The following IL1RAPL2 variants were observed in gnomAD, a reference collection of about 807,000 sequenced individuals.
The protein encoded by IL1RAPL2 is X-linked interleukin-1 receptor accessory protein-like 2.
IL1RAPL2 carries 3 observed loss-of-function variants against 44.1 expected under a neutral mutation model. The ratio of observed to expected loss-of-function variants is 0.07; its 90% CI spans 0.03 to 0.18. The LOEUF (loss-of-function observed/expected upper bound fraction) is 0.18, where lower values mean the gene tolerates loss of function less well. IL1RAPL2 is among the 10% of genes least tolerant of loss of function. The pLI is 1.00. For missense variants in IL1RAPL2, 391 were observed against 496.4 expected (o/e 0.79, Z 2.02); for synonymous variants, 181 against 178.8 (o/e 1.01, Z -0.10).
intron 2 of IL1RAPL2, among the ~76,000 whole-genome samples, chrX:104,848,439 A>G (rs1305637614): frequency 1.3e-5 from 1 of 78,538 alleles, no homozygotes; most frequent in African/African-American, 4.0e-5. Context: ...ATATATATAT[A>G]TATATATATA....
At chrX:105,542,794 C>T (rs1336903492) in intron 6 of IL1RAPL2, among the ~76,000 whole-genome samples, 4 of 99,844 alleles carry the variant, frequency 4.0e-5, no homozygotes, top group African/African-American at 1.5e-4. Flanking sequence ...AGTGCAGTGG[C>T]GGGATCTCGG....
chrX:105,026,303 G>A (rs2031371776), intron 2 of IL1RAPL2, among the ~76,000 whole-genome samples: 1 of 110,533 alleles, frequency 9.0e-6, no homozygotes, highest in East Asian at 2.9e-4. Flanking sequence ...TATATTTACT[G>A]GTTGAATCCC....
chrX:104,907,265 A>G (rs1175416401), intron 2 of IL1RAPL2, among the ~76,000 whole-genome samples: 4 of 111,432 alleles, frequency 3.6e-5, no homozygotes, highest in Admixed American at 1.9e-4. Context: ...TCCTGGATTC[A>G]TTAATTTTTT....
At chrX:105,143,639 T>C (rs971974639) in intron 2 of IL1RAPL2, among the ~76,000 whole-genome samples, 2 of 112,399 alleles carry the variant, frequency 1.8e-5, no homozygotes, top group African/African-American at 3.2e-5. Context: ...TAAAGACACA[T>C]GCACACGTAT....
intron 2 of IL1RAPL2, among the ~76,000 whole-genome samples, chrX:105,098,686 ATAAT>A (rs1456883953): frequency 1.8e-5 from 2 of 112,025 alleles, no homozygotes; most frequent in African/African-American, 3.2e-5. Context: ...AATCTGTGTG[ATAAT>A]TAATTAAGGT....
chrX:105,363,305 T>TA (rs1417487574), intron 5 of IL1RAPL2, among the ~76,000 whole-genome samples: 33 of 77,792 alleles, frequency 4.2e-4, no homozygotes, highest in East Asian at 1.9e-3. Context: ...TATATATATA[T>TA]ATAATATATA....
rs368665706 is a variant in IL1RAPL2 at position 105,184,297 on chromosome X, C to T, written c.83-11178C>T. Among the ~76,000 whole-genome samples the T allele has an allele frequency of 3.8e-4, 42 of 110,961 alleles. 3 individuals carry two copies. Among genetic ancestry groups the T allele is most frequent in the Admixed American group, 2.7e-3 (28 of 10,366 alleles). On this transcript the variant is annotated intron_variant, in intron 2 of 10. Coordinates refer to ENST00000372582, the MANE Select transcript of IL1RAPL2 (RefSeq NM_017416.2). ...TTGTGGAGGAGGTGAGTGTTTGATA[C>T]CTCTAGTAAGCCATCTTGAATCCTT... is the stretch of plus-strand genomic sequence containing the variant.
intron 2 of IL1RAPL2, among the ~76,000 whole-genome samples, chrX:105,081,525 T>C (rs929305662): frequency 8.9e-6 from 1 of 111,798 alleles, no homozygotes; most frequent in African/African-American, 3.3e-5. Flanking sequence ...GTCTATTGAA[T>C]AATTCAAGAA....
chrX:104,761,215 G>C (rs1184061488), intron 2 of IL1RAPL2, among the ~76,000 whole-genome samples: 2 of 111,233 alleles, frequency 1.8e-5, no homozygotes, highest in Non-Finnish European at 3.8e-5. Flanking sequence ...GGCTGGGGAG[G>C]CCTCAGGAAA....
chrX:105,325,576 T>TATATATATATATATAC (rs61264130), intron 5 of IL1RAPL2, among the ~76,000 whole-genome samples: 8 of 93,735 alleles, frequency 8.5e-5, no homozygotes, highest in African/African-American at 3.3e-4. Context: ...TATATATATA[T>TATATATATATATATAC]ACACATATGT....
chrX:105,097,330 C>CAAAAAAAAAAAAAAAAAAAAAAAAAAAA (rs201390547), intron 2 of IL1RAPL2, among the ~76,000 whole-genome samples: 1 of 43,180 alleles, frequency 2.3e-5, no homozygotes, highest in African/African-American at 1.1e-4. Context: ...CAGTGTCAGA[C>CAAAAAAAAAAAAAAAAAAAAAAAAAAAA]AAAAAAAAAA....
At chrX:105,539,980 A>G (rs976198366) in intron 6 of IL1RAPL2, among the ~76,000 whole-genome samples, 14 of 111,302 alleles carry the variant, frequency 1.3e-4, no homozygotes, top group African/African-American at 4.6e-4. Context: ...ACTGTGAGAT[A>G]CCATCTCACA....
intron 8 of IL1RAPL2, 109 bp downstream of exon 8, chrX:105,740,800 C>A: frequency 1.4e-6 from 1 of 731,372 alleles, no homozygotes; most frequent in Non-Finnish European, 1.9e-6. Context: ...CTTTATTAAC[C>A]ATTTTGTCTT....
At chrX:105,179,349 G>A (rs1556129183) in intron 2 of IL1RAPL2, among the ~76,000 whole-genome samples, 1 of 112,033 alleles carries the variant, frequency 8.9e-6, no homozygotes, top group Non-Finnish European at 1.9e-5. Flanking sequence ...ATTGGTCTGT[G>A]TGTCTATTTG....
chrX:105,629,116 T>C (rs1039153533), intron 6 of IL1RAPL2, among the ~76,000 whole-genome samples: 2 of 111,436 alleles, frequency 1.8e-5, no homozygotes, highest in East Asian at 5.7e-4. Context: ...ATCTAAACCA[T>C]GTATAGCTTT....
At chrX:104,673,688 C>T (rs1295862871) in intron 2 of IL1RAPL2, among the ~76,000 whole-genome samples, 2 of 110,365 alleles carry the variant, frequency 1.8e-5, no homozygotes, top group African/African-American at 6.6e-5. Context: ...TTACCTTGGG[C>T]AGTATGGCCA....
intron 2 of IL1RAPL2, among the ~76,000 whole-genome samples, chrX:105,051,606 G>A (rs1410901416): frequency 1.8e-5 from 2 of 113,009 alleles, no homozygotes; most frequent in South Asian, 3.6e-4. Flanking sequence ...AGAGCAGGAG[G>A]CCTGGGTCTG....
chrX:105,482,719 A>G (rs2036240613), intron 5 of IL1RAPL2, among the ~76,000 whole-genome samples: 1 of 111,399 alleles, frequency 9.0e-6, no homozygotes. Flanking sequence ...ATATTCTTCA[A>G]ATAGTATGAG....
intron 6 of IL1RAPL2, among the ~76,000 whole-genome samples, chrX:105,705,094 C>T (rs758811971): frequency 5.5e-5 from 6 of 109,845 alleles, no homozygotes; most frequent in Non-Finnish European, 9.5e-5. Flanking sequence ...TACTCATGTG[C>T]ACACATACAC....
Sources: allele counts gnomAD v4.1 joint callset (sites outside exome capture counted in the v4.1 genomes callset), GRCh38; gene constraint gnomAD v4.1.1; transcripts MANE v1.5; gene names NCBI Gene and HGNC (gene_info 2026-07-23, HGNC 2026-07-21).